Variants in SGCZ observed in about 807,000 individuals in gnomAD.
SGCZ encodes zeta-sarcoglycan.
A neutral mutation model predicts 41.3 loss-of-function variants in SGCZ; 40 were observed. The observed-to-expected ratio is 0.97, with a 90% confidence interval of 0.75 to 1.26. The LOEUF (loss-of-function observed/expected upper bound fraction) is 1.26. Ranked by LOEUF, SGCZ falls within the 50% of genes most tolerant of loss-of-function variation. The probability of loss-of-function intolerance (pLI) is 0.00; values close to 1 mark genes in which losing one functional copy is unlikely to be tolerated. For missense variants in SGCZ, 552 were observed against 369.8 expected, an observed-to-expected ratio of 1.49 and a Z score of -4.04; for synonymous variants, 206 against 137.5, an observed-to-expected ratio of 1.50 and a Z score of -3.49.
intron 1 of SGCZ, among the ~76,000 whole-genome samples, chr8:14,903,638 T>A (rs1799036631): frequency 1.3e-5 from 2 of 152,086 alleles, no homozygotes; most frequent in East Asian, 3.9e-4. Context: ...ATAGGAACAC[T>A]ATCCTGGAAG....
chr8:14,190,237 C>T (rs990899718), intron 4 of SGCZ, among the ~76,000 whole-genome samples: 24 of 151,920 alleles, frequency 1.6e-4, no homozygotes, highest in Non-Finnish European at 3.1e-4. Flanking sequence ...TGGTCTCGAA[C>T]TCCTGACCTT....
intron 1 of SGCZ, among the ~76,000 whole-genome samples, chr8:14,917,301 T>C (rs1383131240): frequency 1.7e-5 from 1 of 58,766 alleles, no homozygotes; most frequent in Non-Finnish European, 3.0e-5. Flanking sequence ...CAAGTTAGCC[T>C]ATTTAAGCAA....
At chr8:14,918,493 T>G (rs951741036) in intron 1 of SGCZ, among the ~76,000 whole-genome samples, 1 of 152,172 alleles carries the variant, frequency 6.6e-6, no homozygotes, top group Admixed American at 6.5e-5. Context: ...CCCTCTAATA[T>G]GAAGGATCTT....
chr8:14,542,603 G>A (rs560607097), intron 2 of SGCZ, among the ~76,000 whole-genome samples: 3 of 151,958 alleles, frequency 2.0e-5, no homozygotes, highest in Non-Finnish European at 2.9e-5. Context: ...TCTGAACTAG[G>A]GGCAGTAAGG....
intron 1 of SGCZ, among the ~76,000 whole-genome samples, chr8:15,187,921 G>C (rs2117102837): frequency 6.6e-6 from 1 of 152,014 alleles, no homozygotes; most frequent in Non-Finnish European, 1.5e-5. Flanking sequence ...TAAGGAATAG[G>C]AGAAAACTTA....
chr8:14,803,414 G>C (rs995768106), intron 1 of SGCZ, among the ~76,000 whole-genome samples: 5 of 152,104 alleles, frequency 3.3e-5, no homozygotes, highest in South Asian at 2.1e-4. Context: ...TGCCTCACTC[G>C]GGAATCGCAA....
intron 1 of SGCZ, among the ~76,000 whole-genome samples, chr8:14,767,635 G>A (rs767080151): frequency 3.3e-5 from 5 of 152,174 alleles, no homozygotes; most frequent in South Asian, 2.1e-4. Flanking sequence ...TATTTCAAAC[G>A]AAATTTTATT....
At chr8:14,819,209 C>T (rs1009979483) in intron 1 of SGCZ, among the ~76,000 whole-genome samples, 1 of 151,786 alleles carries the variant, frequency 6.6e-6, no homozygotes, top group African/African-American at 2.4e-5. Context: ...TAAGGGAACT[C>T]CCATTAGACT....
chr8:14,520,409 G>T (rs1172755647), intron 2 of SGCZ, among the ~76,000 whole-genome samples: 1 of 152,064 alleles, frequency 6.6e-6, no homozygotes, highest in African/African-American at 2.4e-5. Context: ...AACTGAAACA[G>T]TTAATAACAT....
At chr8:15,202,622 A>T (rs776847242) in intron 1 of SGCZ, among the ~76,000 whole-genome samples, 11 of 152,172 alleles carry the variant, frequency 7.2e-5, no homozygotes, top group Non-Finnish European at 1.6e-4. Context: ...GTAACCAAAC[A>T]CAACCTGTTC....
chr8:14,661,825 T>C (rs1302447272), intron 1 of SGCZ, among the ~76,000 whole-genome samples: 6 of 133,164 alleles, frequency 4.5e-5, no homozygotes, highest in Non-Finnish European at 9.3e-5. Flanking sequence ...GTCTATGAAA[T>C]GTGATCTCAA....
rs189196112 is a variant in SGCZ at position 14,716,192 on chromosome 8, T to A, written c.40-161266A>T. Among the ~76,000 whole-genome samples the A allele has an allele frequency of 6.1e-3, 911 of 150,200 alleles. 6 individuals carry two copies. Among genetic ancestry groups the A allele is most frequent in the East Asian group, 0.021 (108 of 5,030 alleles). On this transcript the variant is annotated intron_variant, in intron 1 of 7. Transcript: ENST00000382080. Reference sequence around the variant, plus strand: ...ATCCAAATTTAGAACTTAATAAAAATACAACAGAATAAGTGTCATAGTGAA... The same window carrying A: ...ATCCAAATTTAGAACTTAATAAAAAAACAACAGAATAAGTGTCATAGTGAA...
In SGCZ at chr8:14,299,192, C is replaced by G. The variant is rs947206162; in HGVS notation, c.336+24911G>C. Among the ~76,000 whole-genome samples, 15 of 152,036 alleles carry G rather than the reference C, an allele frequency of 9.9e-5. 1 individual carries two copies. Among genetic ancestry groups the G allele is most frequent in the Admixed American group, 5.2e-4 (8 of 15,262 alleles). ...CTAAATTGAAATGGTTGATAGGCCT[C>G]TACATAAAAGATACAGCTATAAAGC... On this transcript the variant is annotated intron_variant, in intron 3 of 7. Transcript: ENST00000382080.
At chr8:14,564,478 G>C (rs980928587) in intron 1 of SGCZ, among the ~76,000 whole-genome samples, 1 of 152,124 alleles carries the variant, frequency 6.6e-6, no homozygotes, top group Non-Finnish European at 1.5e-5. Context: ...GCCTCTCTCT[G>C]TCCCAGTTTC....
intron 1 of SGCZ, among the ~76,000 whole-genome samples, chr8:14,762,038 G>A (rs1358130790): frequency 1.3e-5 from 2 of 152,166 alleles, no homozygotes; most frequent in African/African-American, 4.8e-5. Flanking sequence ...GACAGTAGGT[G>A]TTGTGAATGA....
At position 14,976,881 on chromosome 8, in the gene SGCZ, G is replaced by C. The variant is rs192576501; in HGVS notation, c.39+260704C>G. On this transcript the variant is annotated intron_variant, in intron 1 of 7. Coordinates refer to ENST00000382080, the MANE Select transcript of SGCZ (RefSeq NM_139167.4). ...AGCACTTAACCTACCATATGTAGTG[G>C]CTTAAGTTCTAGAAAAAGATTGGCT... Among the ~76,000 whole-genome samples the C allele has an allele frequency of 7.9e-5, 12 of 152,284 alleles. No individual in the cohort carries two copies. In the East Asian group the frequency reaches 2.3e-3, roughly 29 times the overall value.
intron 1 of SGCZ, among the ~76,000 whole-genome samples, chr8:15,020,401 C>T (rs1488289977): frequency 6.6e-6 from 1 of 152,116 alleles, no homozygotes; most frequent in Non-Finnish European, 1.5e-5. Context: ...TCCCACACTG[C>T]CTCAATTGCC....
At chr8:14,137,842 A>G (rs1449486147) in intron 5 of SGCZ, among the ~76,000 whole-genome samples, 1 of 152,044 alleles carries the variant, frequency 6.6e-6, no homozygotes, top group African/African-American at 2.4e-5. Flanking sequence ...CCACAAAGAT[A>G]CTCCTCAAGA....
At chr8:14,421,615 T>C (rs1799639194) in intron 2 of SGCZ, among the ~76,000 whole-genome samples, 1 of 152,108 alleles carries the variant, frequency 6.6e-6, no homozygotes, top group Admixed American at 6.6e-5. Flanking sequence ...AGTTTGCTCA[T>C]ATAGAACCAC....
Sources: gnomAD v4.1 joint callset for allele counts (sites outside exome capture counted in the v4.1 genomes callset) on GRCh38, gnomAD v4.1.1 for gene constraint, MANE v1.5 for transcripts, NCBI Gene and HGNC (gene_info 2026-07-23, HGNC 2026-07-21) for gene names.